Variants in REPS1 observed in about 807,000 individuals in gnomAD.
REPS1 encodes RALBP1 associated Eps domain containing 1.
A neutral mutation model predicts 100.9 loss-of-function variants in REPS1; 39 were observed. That is an observed-to-expected ratio of 0.39 (90% CI 0.30 to 0.50). The LOEUF (loss-of-function observed/expected upper bound fraction) is 0.50. Ranked by LOEUF, REPS1 falls within the 20% of genes least tolerant of loss-of-function variation. The pLI is 0.86. For synonymous variants in REPS1, 324 were observed against 340.3 expected (o/e 0.95, Z 0.53); for missense variants, 821 against 968.5 (o/e 0.85, Z 2.02).
In REPS1 at chr6:138,945,367, A is replaced by G. The variant is rs1230338135; in HGVS notation, c.480T>C (p.Pro160=). The G allele has an allele frequency of 6.3e-7, 1 of 1,597,724 alleles. No homozygotes were observed. Among genetic ancestry groups the G allele is most frequent in the East Asian group, 2.2e-5 (1 of 44,506 alleles). ...GCTGTGGTGAAACTACTGGGGATGC[A>G]GGTTCCTAGAAAAGAATATTATTTT... ...QPRTSADAQE[P]ASPVVSPQQS... The change falls in exon 4 of 20, where the codon CCT becomes CCC. Residue 160 remains proline, a synonymous_variant. Coordinates refer to ENST00000450536, the MANE Select transcript of REPS1 (RefSeq NM_001286611.2).
intron 13 of REPS1, 59 bp downstream of exon 13, chr6:138,917,492 AGTTT>A: frequency 8.0e-7 from 1 of 1,244,962 alleles, no homozygotes; most frequent in Non-Finnish European, 1.2e-6. Flanking sequence ...GGTTCTAAAT[AGTTT>A]TAAACATTAA....
At position 138,982,800 on chromosome 6, in the gene REPS1, A is replaced by C. The variant is rs543634396; in HGVS notation, c.153+4730T>G. ...GAATAGATTTTCCTCTGCTATTCAA[A>C]AGCAACTGTAATGAACACACCTTAA... On this transcript the variant is annotated intron_variant, in intron 1 of 19. Transcript: ENST00000450536. 2.9e-4 allele frequency among the ~76,000 whole-genome samples: 44 copies of C among 152,350 alleles called. 1 individual carries two copies. In the East Asian group the frequency reaches 7.9e-3, roughly 27 times the overall value.
At chr6:138,920,587 C>T (rs1780691429) in intron 11 of REPS1, among the ~76,000 whole-genome samples, 1 of 152,178 alleles carries the variant, frequency 6.6e-6, no homozygotes, top group Non-Finnish European at 1.5e-5. Context: ...TTAAACACTA[C>T]ATATGTAAAC....
intron 8 of REPS1, among the ~76,000 whole-genome samples, chr6:138,934,966 TAA>T (rs1008429559): frequency 3.9e-5 from 6 of 152,230 alleles, no homozygotes; most frequent in African/African-American, 9.6e-5. Context: ...CATTCATATT[TAA>T]AAGACAGGCA....
At chr6:138,911,631 G>A (rs1252100898) in intron 16 of REPS1, among the ~76,000 whole-genome samples, 1 of 151,786 alleles carries the variant, frequency 6.6e-6, no homozygotes, top group Admixed American at 6.6e-5. Context: ...GGGAGAGGAG[G>A]ACAGAGCGAG....
intron 1 of REPS1, among the ~76,000 whole-genome samples, chr6:138,969,195 A>T (rs1384592235): frequency 6.6e-6 from 1 of 151,468 alleles, no homozygotes; most frequent in Non-Finnish European, 1.5e-5. Flanking sequence ...ACAAAATTTT[A>T]ACACAGAACC....
At chr6:138,918,933 G>A (rs1780579542) in intron 12 of REPS1, among the ~76,000 whole-genome samples, 1 of 152,148 alleles carries the variant, frequency 6.6e-6, no homozygotes, top group Non-Finnish European at 1.5e-5. Context: ...AAGCTGAAGG[G>A]ACTGGTTATT....
chr6:138,941,054 G>C (rs1782216478), intron 8 of REPS1, among the ~76,000 whole-genome samples: 1 of 152,058 alleles, frequency 6.6e-6, no homozygotes, highest in Non-Finnish European at 1.5e-5. Context: ...TTAAAGGATG[G>C]CAAAATAACA....
chr6:138,978,263 A>G (rs919772388), intron 1 of REPS1, among the ~76,000 whole-genome samples: 11 of 151,748 alleles, frequency 7.2e-5, no homozygotes, highest in African/African-American at 2.4e-4. Context: ...AATATTTAAT[A>G]AAGCCCAATT....
At chr6:138,932,782 A>G (rs1015701688) in intron 8 of REPS1, among the ~76,000 whole-genome samples, 7 of 152,218 alleles carry the variant, frequency 4.6e-5, no homozygotes, top group Non-Finnish European at 1.5e-5. Context: ...CATTTTTTCA[A>G]AAATGAACAA....
At chr6:138,964,592 A>G (rs1350476879) in intron 1 of REPS1, among the ~76,000 whole-genome samples, 1 of 152,062 alleles carries the variant, frequency 6.6e-6, no homozygotes, top group Non-Finnish European at 1.5e-5. Flanking sequence ...ATTTCAAAAT[A>G]TGTTGTATAA....
intron 1 of REPS1, among the ~76,000 whole-genome samples, chr6:138,958,313 T>C (rs1207923992): frequency 6.6e-6 from 1 of 152,216 alleles, no homozygotes; most frequent in African/African-American, 2.4e-5. Context: ...TGGTTGCTTT[T>C]TATTGTTAAG....
Position 138,987,618 on chromosome 6 carries a change from T to C in REPS1, c.65A>G (p.Asp22Gly). Residue 22 changes from aspartate (D) to glycine (G), a missense_variant, in exon 1 of 20, where the codon GAC becomes GGC. Transcript: ENST00000450536. Reference sequence around the variant, plus strand: ...CACCACCTTCTTGGTGCTCTCAATGTCGCAGTAGGAGAAGAGATCTGAATA... The same window carrying C: ...CACCACCTTCTTGGTGCTCTCAATGCCGCAGTAGGAGAAGAGATCTGAATA... ...KYYSDLFSYC[D>G]IESTKKVVVN... The C allele has an allele frequency of 6.4e-7, 1 of 1,551,168 alleles. No homozygotes were observed. Among genetic ancestry groups the C allele is most frequent in the Non-Finnish European group, 8.7e-7 (1 of 1,146,720 alleles).
chr6:138,938,097 A>G (rs1236808061), intron 8 of REPS1, among the ~76,000 whole-genome samples: 1 of 151,832 alleles, frequency 6.6e-6, no homozygotes, highest in Non-Finnish European at 1.5e-5. Flanking sequence ...GAATTTTTGT[A>G]TGCTTTCTTT....
intron 2 of REPS1, among the ~76,000 whole-genome samples, chr6:138,946,072 T>C (rs1434875243): frequency 5.3e-5 from 8 of 152,196 alleles, no homozygotes; most frequent in Admixed American, 5.2e-4. Context: ...GTCATGCTTG[T>C]AGTAACTGAC....
At chr6:138,921,190 CA>C in intron 10 of REPS1, 66 bp from the exon 11 acceptor site, 1 of 1,022,436 alleles carries the variant, frequency 9.8e-7, no homozygotes, top group Non-Finnish European at 1.5e-6. Flanking sequence ...ATGCAATAAT[CA>C]AAACAAACAA....
chr6:138,956,059 C>T (rs1783366680), intron 1 of REPS1, among the ~76,000 whole-genome samples: 1 of 152,078 alleles, frequency 6.6e-6, no homozygotes. Flanking sequence ...CGCCTTTATG[C>T]ATTAATATGA....
At chr6:138,948,583 A>G (rs1782789757) in intron 1 of REPS1, among the ~76,000 whole-genome samples, 1 of 152,214 alleles carries the variant, frequency 6.6e-6, no homozygotes, top group African/African-American at 2.4e-5. Context: ...ACTTGCTAGC[A>G]CAAGTAAATA....
chr6:138,917,524 T>G lies in REPS1; in HGVS notation c.1601+31A>C, dbSNP rs373843039. The stretch of plus-strand genomic sequence containing the variant: ...AACATTAAAACGCAGCAAGATAGTT[T>G]AACATGCTTTTCATTGACAGAAATA... On this transcript the variant is annotated intron_variant, in intron 13 of 19. Coordinates refer to ENST00000450536, the MANE Select transcript of REPS1 (RefSeq NM_001286611.2). The G allele has an allele frequency of 2.0e-6, 3 of 1,532,262 alleles. No homozygotes were observed. The African/African-American group carries it at 4.1e-5, about 21-fold the overall frequency. The allele number at this position is 1,532,262 out of a possible 1,614,324, so 94.9% of individuals were successfully genotyped here.
Sources: gnomAD v4.1 joint callset for allele counts (sites outside exome capture counted in the v4.1 genomes callset) on GRCh38, gnomAD v4.1.1 for gene constraint, MANE v1.5 for transcripts, NCBI Gene and HGNC (gene_info 2026-07-23, HGNC 2026-07-21) for gene names.